The following PPM1E variants were observed in gnomAD, a reference collection of about 807,000 sequenced individuals.
PPM1E encodes protein phosphatase, Mg2+/Mn2+ dependent 1E.
In PPM1E, 20 loss-of-function variants were observed where a neutral mutation model predicts 65.9. That is an observed-to-expected ratio of 0.30 (90% CI 0.21 to 0.44). PPM1E has a LOEUF of 0.44. Among genes scored for constraint, PPM1E ranks in the 20% least tolerant of loss-of-function variants. The probability of loss-of-function intolerance (pLI) is 1.00; values close to 1 mark genes in which losing one functional copy is unlikely to be tolerated. For synonymous variants in PPM1E, 352 were observed against 374.9 expected, an observed-to-expected ratio of 0.94 and a Z score of 0.70; for missense variants, 713 against 953.1, an observed-to-expected ratio of 0.75 and a Z score of 3.32.
At chr17:58,880,007 C>T (rs2051176117) in intron 1 of PPM1E, among the ~76,000 whole-genome samples, 1 of 152,052 alleles carries the variant, frequency 6.6e-6, no homozygotes, top group South Asian at 2.1e-4. Flanking sequence ...GGCATGGGAG[C>T]CCTCGTAAGG....
chr17:58,759,283 C>G (rs775637154), intron 1 of PPM1E, among the ~76,000 whole-genome samples: 13 of 152,086 alleles, frequency 8.5e-5, no homozygotes, highest in Non-Finnish European at 1.5e-4. Context: ...ACGTTTTACT[C>G]CTTTCTCTAA....
intron 1 of PPM1E, among the ~76,000 whole-genome samples, chr17:58,805,187 G>T (rs532622468): frequency 6.6e-6 from 1 of 152,042 alleles, no homozygotes; most frequent in African/African-American, 2.4e-5. Flanking sequence ...CTTTAGTGGT[G>T]ATTTCTGAGA....
chr17:58,846,710 G>C (rs1249187589), intron 1 of PPM1E, among the ~76,000 whole-genome samples: 3 of 152,136 alleles, frequency 2.0e-5, no homozygotes. Context: ...TTGCTATTGT[G>C]AATAGTGCCA....
chr17:58,928,763 C>T (rs1214911991), intron 1 of PPM1E, among the ~76,000 whole-genome samples: 2 of 149,948 alleles, frequency 1.3e-5, no homozygotes, highest in East Asian at 2.0e-4. Flanking sequence ...AGTACAGTGA[C>T]GCGATCTCAG....
intron 6 of PPM1E, among the ~76,000 whole-genome samples, chr17:58,979,563 C>G (rs1468534370): frequency 6.6e-6 from 1 of 152,210 alleles, no homozygotes; most frequent in Non-Finnish European, 1.5e-5. Flanking sequence ...GGCTTGTTTT[C>G]AAATTTCAAT....
intron 1 of PPM1E, among the ~76,000 whole-genome samples, chr17:58,949,490 C>T (rs914435221): frequency 1.3e-5 from 2 of 152,060 alleles, no homozygotes; most frequent in Admixed American, 1.3e-4. Flanking sequence ...CAGCCAGTTT[C>T]TTTTAATTGG....
intron 1 of PPM1E, among the ~76,000 whole-genome samples, chr17:58,759,391 T>C (rs2049801534): frequency 6.6e-6 from 1 of 152,172 alleles, no homozygotes; most frequent in South Asian, 2.1e-4. Flanking sequence ...AGGTGAGAGA[T>C]TTTATAACTG....
chr17:58,820,960 C>T (rs573188927), intron 1 of PPM1E, among the ~76,000 whole-genome samples: 1 of 152,018 alleles, frequency 6.6e-6, no homozygotes, highest in East Asian at 1.9e-4. Flanking sequence ...ATAACTTGAT[C>T]TGAAACATTT....
intron 6 of PPM1E, among the ~76,000 whole-genome samples, chr17:58,978,929 T>A (rs1423911413): frequency 6.6e-6 from 1 of 152,172 alleles, no homozygotes; most frequent in Non-Finnish European, 1.5e-5. Flanking sequence ...TCCCAAGGTC[T>A]GCAGTCTCGC....
At chr17:58,879,510 T>TC (rs1270174398) in intron 1 of PPM1E, among the ~76,000 whole-genome samples, 1 of 136,180 alleles carries the variant, frequency 7.3e-6, no homozygotes, top group African/African-American at 2.7e-5. Flanking sequence ...ACTTTTTTTT[T>TC]TTTTTTTTTT....
rs560971634 is a variant in PPM1E at position 58,892,883 on chromosome 17, T to C, written c.465-62766T>C. Among the ~76,000 whole-genome samples the C allele has an allele frequency of 2.0e-5, 3 of 152,306 alleles. 1 individual carries two copies. In the South Asian group the frequency reaches 6.2e-4, roughly 32 times the overall value. On this transcript the variant is annotated intron_variant, in intron 1 of 6. Transcript: ENST00000308249. ...AAAAATGCTCAACATCGATATGTGT[T>C]AGCAAATTGAAACAATAATGAGATA... is the stretch of plus-strand genomic sequence containing the variant.
At chr17:58,802,024 C>T (rs969185186) in intron 1 of PPM1E, among the ~76,000 whole-genome samples, 1 of 152,086 alleles carries the variant, frequency 6.6e-6, no homozygotes, top group South Asian at 2.1e-4. Flanking sequence ...TCCCAAAGTC[C>T]TGGAATTACA....
chr17:58,797,958 T>TA (rs1485380493), intron 1 of PPM1E, among the ~76,000 whole-genome samples: 3 of 152,184 alleles, frequency 2.0e-5, no homozygotes, highest in Non-Finnish European at 4.4e-5. Flanking sequence ...AATAAATAAA[T>TA]AAAACTTGGC....
Position 58,970,174 on chromosome 17 carries a change from T to A in PPM1E, c.972+447T>A, listed in dbSNP as rs146954076. Among the ~76,000 whole-genome samples, 714 of 152,300 alleles carry A rather than the reference T, an allele frequency of 4.7e-3. 6 individuals carry two copies. The highest frequency in any genetic ancestry group is 0.016 in the African/African-American group (684 of 41,560). Reference sequence around the variant, plus strand: ...TGGGTAGGCAGTGTTTTGCTGTGTATCTCTTGAGGGAAAATTCGCTTGGAG... The same window carrying A: ...TGGGTAGGCAGTGTTTTGCTGTGTAACTCTTGAGGGAAAATTCGCTTGGAG... On this transcript the variant is annotated intron_variant, in intron 4 of 6. Coordinates refer to ENST00000308249, the MANE Select transcript of PPM1E (RefSeq NM_014906.5).
At chr17:58,838,063 C>A (rs917760960) in intron 1 of PPM1E, among the ~76,000 whole-genome samples, 12 of 152,270 alleles carry the variant, frequency 7.9e-5, no homozygotes, top group Non-Finnish European at 1.5e-4. Flanking sequence ...ATAGATCATA[C>A]ACATAAATGT....
intron 1 of PPM1E, among the ~76,000 whole-genome samples, chr17:58,909,924 C>CTTTTTTTTTTTT (rs35833275): frequency 4.0e-4 from 36 of 90,028 alleles, no homozygotes; most frequent in African/African-American, 7.4e-4. Flanking sequence ...TTTTCTTTTT[C>CTTTTTTTTTTTT]TTTTTTTTTT....
At chr17:58,909,279 A>G (rs1034989298) in intron 1 of PPM1E, among the ~76,000 whole-genome samples, 23 of 152,052 alleles carry the variant, frequency 1.5e-4, no homozygotes, top group Non-Finnish European at 2.2e-4. Flanking sequence ...CCACACTGAG[A>G]CAGGTTCTCA....
At chr17:58,890,820 T>C (rs4398153) in intron 1 of PPM1E, among the ~76,000 whole-genome samples, 51,781 of 151,948 alleles carry the variant, frequency 0.34, 9,579 homozygotes, top group East Asian at 0.51. Flanking sequence ...CCTGTGTACA[T>C]GCCTTGTATA....
chr17:58,860,621 G>T (rs557981701), intron 1 of PPM1E, among the ~76,000 whole-genome samples: 26 of 152,302 alleles, frequency 1.7e-4, no homozygotes, highest in Middle Eastern at 3.4e-3. Flanking sequence ...CTTGATTTCA[G>T]TTGGGGCAGT....
Sources: allele counts gnomAD v4.1 joint callset (sites outside exome capture counted in the v4.1 genomes callset), GRCh38; gene constraint gnomAD v4.1.1; transcripts MANE v1.5; gene names NCBI Gene and HGNC (gene_info 2026-07-23, HGNC 2026-07-21).